Variants in CALM2 observed in about 807,000 individuals in gnomAD.
The protein encoded by CALM2 is calmodulin 2, also known as calmodulin-2.
A neutral mutation model predicts 19.8 loss-of-function variants in CALM2; 2 were observed. That is an observed-to-expected ratio of 0.10 (90% CI 0.04 to 0.32). The LOEUF (loss-of-function observed/expected upper bound fraction) is 0.32. CALM2 is among the 10% of genes least tolerant of loss of function. CALM2 has a pLI of 1.00. For missense variants in CALM2, 38 were observed against 178.7 expected (o/e 0.21, Z 4.49); for synonymous variants, 51 against 52.1 (o/e 0.98, Z 0.09).
intron 2 of CALM2, among the ~76,000 whole-genome samples, chr2:47,164,949 T>A (rs1475786255): frequency 2.0e-5 from 3 of 152,224 alleles, no homozygotes; most frequent in Admixed American, 1.3e-4. Flanking sequence ...CTTCCACTAA[T>A]TTGCCCATTA....
chr2:47,165,693 A>G (rs918691747), intron 2 of CALM2, among the ~76,000 whole-genome samples: 9 of 152,280 alleles, frequency 5.9e-5, no homozygotes, highest in South Asian at 4.1e-4. Flanking sequence ...TACAACGAAG[A>G]TATCTTTAGT....
At chr2:47,168,423 T>C (rs1346322314) in intron 2 of CALM2, among the ~76,000 whole-genome samples, 1 of 152,196 alleles carries the variant, frequency 6.6e-6, no homozygotes, top group African/African-American at 2.4e-5. Context: ...ACAGTTTTGA[T>C]GAACTACAAG....
Position 47,175,360 on chromosome 2 carries a change from CA to C in CALM2, c.3+1080del, listed in dbSNP as rs1666819974. ...GCTGTTTTCAAGCATAGAATAGGGA[CA>C]GGGGCTCTTCAAAGGCATCCATCCA... On this transcript the variant is annotated intron_variant, in intron 1 of 5. Transcript: ENST00000272298. 6.6e-5 allele frequency among the ~76,000 whole-genome samples: 10 copies of C among 152,220 alleles called. No individual in the cohort carries two copies. The South Asian group carries it at 2.1e-3, about 32-fold the overall frequency.
At chr2:47,175,059 C>G (rs1666801381) in intron 1 of CALM2, among the ~76,000 whole-genome samples, 1 of 149,796 alleles carries the variant, frequency 6.7e-6, no homozygotes, top group Non-Finnish European at 1.5e-5. Flanking sequence ...GTAAGTATCA[C>G]AGATCACCGC....
At position 47,168,820 on chromosome 2, in the gene CALM2, C is replaced by G. The variant is rs546974218; in HGVS notation, c.34+1914G>C. 4.2e-4 allele frequency among the ~76,000 whole-genome samples: 64 copies of G among 151,922 alleles called. 2 individuals carry two copies. In the South Asian group the frequency reaches 0.012, roughly 28 times the overall value. On this transcript the variant is annotated intron_variant, in intron 2 of 5. Coordinates refer to ENST00000272298, the MANE Select transcript of CALM2 (RefSeq NM_001743.6). ...TGAGGCAAAGTCTCGCTCTGTTGCC[C>G]AGGCTGGAGTGCAGTGGCATGATCT...
intron 2 of CALM2, among the ~76,000 whole-genome samples, chr2:47,168,988 G>A (rs960539703): frequency 1.4e-4 from 21 of 152,090 alleles, no homozygotes; most frequent in African/African-American, 4.8e-4. Flanking sequence ...ACGTTGGCCA[G>A]GCTGGTCATG....
intron 2 of CALM2, chr2:47,162,957 C>T (rs907695044): frequency 4.6e-6 from 1 of 218,838 alleles, no homozygotes; most frequent in Non-Finnish European, 9.0e-6. Flanking sequence ...AATCATACCA[C>T]TGTACTTTCA....
At chr2:47,161,992 T>G in intron 4 of CALM2, 134 bp from the exon 5 acceptor site, 1 of 740,928 alleles carries the variant, frequency 1.3e-6, no homozygotes, top group East Asian at 2.6e-5. Flanking sequence ...ATCTACACAG[T>G]TGACCTACAA....
chr2:47,176,787 A>T (rs1466183725), upstream of CALM2: 2 of 985,310 alleles, frequency 2.0e-6, no homozygotes, highest in Non-Finnish European at 2.4e-6. Context: ...GCGGAGGAGC[A>T]TCGTGGCGGC....
At chr2:47,172,164 A>T in intron 1 of CALM2, 1 of 206,790 alleles carries the variant, frequency 4.8e-6, no homozygotes, top group Non-Finnish European at 1.0e-5. Context: ...TAAGGTTTAA[A>T]ATCCAGTAAA....
upstream of CALM2, chr2:47,176,889 C>G (rs1003528099): frequency 2.0e-6 from 2 of 985,250 alleles, no homozygotes; most frequent in Non-Finnish European, 2.4e-6. Flanking sequence ...CGCCGGGACG[C>G]GGTGCGGCTT....
At chr2:47,163,475 C>G (rs1439378798) in intron 2 of CALM2, 2 of 151,742 alleles carry the variant, frequency 1.3e-5, no homozygotes, top group South Asian at 4.2e-4. Flanking sequence ...TCTTGTTGTC[C>G]AGGCTGGAGT....
chr2:47,176,884 G>A (rs1012744243), upstream of CALM2: 27 of 985,378 alleles, frequency 2.7e-5, no homozygotes, highest in African/African-American at 4.2e-4. Context: ...GCCGCCGCCG[G>A]GACGCGGTGC....
rs1011654874 is a variant in CALM2 at position 47,167,550 on chromosome 2, C to T, written c.34+3184G>A. On this transcript the variant is annotated intron_variant, in intron 2 of 5. Transcript: ENST00000272298. ...CTCTCCTAAAAATACAAAAACTAGC[C>T]GGGTGTGGTGGTGCACGCCTGTAAT... 1.6e-5 allele frequency: 3 copies of T among 187,412 alleles called. No homozygotes were observed. In the Admixed American group the frequency reaches 1.7e-4, roughly 11 times the overall value. The allele number at this position is 187,412 out of a possible 1,614,324, so 11.6% of individuals were successfully genotyped here. A position where few individuals can be genotyped will look rare whatever the true frequency, so the allele number is the denominator to read the frequency against.
chr2:47,161,446 C>CT (rs1687152012), intron 5 of CALM2, among the ~76,000 whole-genome samples: 1 of 152,306 alleles, frequency 6.6e-6, no homozygotes, highest in Admixed American at 6.5e-5. Context: ...GCTTCTCAAA[C>CT]TTTATACATG....
At chr2:47,173,220 G>A (rs1666733450) in intron 1 of CALM2, 2 of 152,172 alleles carry the variant, frequency 1.3e-5, no homozygotes, top group Non-Finnish European at 2.9e-5. Context: ...CTGCTACAAA[G>A]GCGAATAAAT....
At position 47,162,693 on chromosome 2, in the gene CALM2, C is replaced by T. The variant is rs563015378; in HGVS notation, c.35-31G>A. The T allele has an allele frequency of 4.6e-4, 708 of 1,528,970 alleles. 12 individuals carry two copies. In the South Asian group the frequency reaches 8.3e-3, roughly 18 times the overall value. The allele number at this position is 1,528,970 out of a possible 1,614,324, so 94.7% of individuals were successfully genotyped here. A position where few individuals can be genotyped will look rare whatever the true frequency, so the allele number is the denominator to read the frequency against. On this transcript the variant is annotated intron_variant, in intron 2 of 5. Coordinates refer to ENST00000272298, the MANE Select transcript of CALM2 (RefSeq NM_001743.6). Reference sequence around the variant, plus strand: ...TGAAAGAAAGACCACAATCCAAATACACAGATTAATAATAAAATGTAACCT... The same window carrying T: ...TGAAAGAAAGACCACAATCCAAATATACAGATTAATAATAAAATGTAACCT...
intron 4 of CALM2, 74 bp downstream of exon 4, chr2:47,162,212 A>G (rs557620117): frequency 1.5e-4 from 98 of 668,396 alleles, no homozygotes; most frequent in Non-Finnish European, 2.0e-4. Flanking sequence ...AACCAAAAAA[A>G]CACAAGTCTT....
intron 1 of CALM2, among the ~76,000 whole-genome samples, chr2:47,175,983 G>C (rs1416999371): frequency 6.6e-6 from 1 of 151,892 alleles, no homozygotes; most frequent in Non-Finnish European, 1.5e-5. Flanking sequence ...CCCCCTGGGC[G>C]CATGGCGGCC....
Sources: gnomAD v4.1 joint callset for allele counts (sites outside exome capture counted in the v4.1 genomes callset) on GRCh38, gnomAD v4.1.1 for gene constraint, MANE v1.5 for transcripts, NCBI Gene and HGNC (gene_info 2026-07-23, HGNC 2026-07-21) for gene names.